The following PLEKHM2 variants were observed in gnomAD, a reference collection of about 807,000 sequenced individuals.
The protein encoded by PLEKHM2 is pleckstrin homology domain-containing family M member 2.
PLEKHM2 carries 77 observed loss-of-function variants against 116.3 expected under a neutral mutation model. The observed-to-expected ratio is 0.66, with a 90% confidence interval of 0.55 to 0.80. The LOEUF is 0.80. Among genes scored for constraint, PLEKHM2 ranks in the 30% least tolerant of loss-of-function variants. The pLI is 0.00. For synonymous variants in PLEKHM2, 562 were observed against 571.0 expected, an observed-to-expected ratio of 0.98 and a Z score of 0.22; for missense variants, 1,183 against 1,354.9, an observed-to-expected ratio of 0.87 and a Z score of 1.99.
chr1:15,730,565 G>A lies in PLEKHM2; in HGVS notation c.2242G>A (p.Val748Met), dbSNP rs1172982414. 3.1e-6 allele frequency: 5 copies of A among 1,601,678 alleles called. No individual in the cohort carries two copies. The highest frequency in any genetic ancestry group is 4.3e-6 in the Non-Finnish European group (5 of 1,175,034). The change falls in exon 15 of 20, where the codon GTG becomes ATG. Residue 748 changes from valine to methionine, a missense_variant. Around this residue, in one of 3 missense-constraint regions of PLEKHM2, gnomAD observed 594 missense variants for 720.1 expected, o/e 0.82. Transcript: ENST00000375799. ...SAVTVRFYGL[V>M]HWEDPTDESL... is the part of the protein sequence containing the mutation. ...TGTCACCGTGCGCTTCTACGGCCTTGTGCACTGGGAGGACCCCACAGACGA... is the reference window on the plus strand; with the variant it reads ...TGTCACCGTGCGCTTCTACGGCCTTATGCACTGGGAGGACCCCACAGACGA...
At chr1:15,685,541 G>GAAAAAAAAAAAAAAAAAAAAAA (rs200301672) in intron 1 of PLEKHM2, among the ~76,000 whole-genome samples, 87 of 73,328 alleles carry the variant, frequency 1.2e-3, no homozygotes, top group Non-Finnish European at 1.6e-3. Context: ...CTCAGAAACT[G>GAAAAAAAAAAAAAAAAAAAAAA]AAAAAAAAAA....
intron 7 of PLEKHM2, among the ~76,000 whole-genome samples, chr1:15,725,094 G>A (rs1240606927): frequency 1.3e-5 from 2 of 152,064 alleles, no homozygotes; most frequent in African/African-American, 2.4e-5. Context: ...AGCTCCGGAG[G>A]CCCCAGGGGT....
At chr1:15,713,634 G>GTT (rs201956382) in intron 1 of PLEKHM2, among the ~76,000 whole-genome samples, 3 of 151,176 alleles carry the variant, frequency 2.0e-5, no homozygotes, top group Non-Finnish European at 4.4e-5. Flanking sequence ...TTGTTTGTTT[G>GTT]TTTTTTGTTT....
rs2068095836 is a variant in PLEKHM2 at position 15,728,410 on chromosome 1, C to A, written c.1921+53C>A. The stretch of plus-strand genomic sequence containing the variant: ...GGTTGTAGACGAGGCTGACTCTCAG[C>A]CCCTTTTCCCCAGTCCCCTTGCCCT... On this transcript the variant is annotated intron_variant, in intron 11 of 19. Transcript: ENST00000375799. This position sits in a 1 kb window ranked among gnomAD's most constrained non-coding sequence, Gnocchi z 5.9. 3 of 1,497,156 alleles carry A rather than the reference C, an allele frequency of 2.0e-6. No individual in the cohort carries two copies. The highest frequency in any genetic ancestry group is 2.8e-6 in the Non-Finnish European group (3 of 1,087,142). 92.7% of individuals were successfully genotyped at this position (1,497,156 alleles called of 1,614,324 possible).
At position 15,732,454 on chromosome 1, in the gene PLEKHM2, C is replaced by T; in HGVS notation, c.2730C>T (p.Phe910=). ...TCHEDCQTSF[F]RSLGTAKLGD... ...ATGAGGATTGCCAGACCAGCTTCTTCCGCTCTTTGGGCACAGCCAAGCTGG... is the reference window on the plus strand; with the variant it reads ...ATGAGGATTGCCAGACCAGCTTCTTTCGCTCTTTGGGCACAGCCAAGCTGG... The change falls in exon 18 of 20, where the codon TTC becomes TTT. Residue 910 remains phenylalanine (F), a synonymous_variant. Coordinates refer to ENST00000375799, the MANE Select transcript of PLEKHM2 (RefSeq NM_015164.4). The T allele has an allele frequency of 6.3e-7, 1 of 1,599,442 alleles. No homozygotes were observed. The highest frequency in any genetic ancestry group is 8.5e-7 in the Non-Finnish European group (1 of 1,173,468).
rs1640714952 is a variant in PLEKHM2 at position 15,684,418 on chromosome 1, C to G, written c.-141C>G. ...CGAGGCGAGGGCCGGGCGGCGGGCG[C>G]CGGGCCCCGCGGCCGGCACGACGGA... On this transcript the variant is annotated 5_prime_UTR_variant, in exon 1 of 20. Coordinates refer to ENST00000375799, the MANE Select transcript of PLEKHM2 (RefSeq NM_015164.4). 4 of 302,170 alleles carry G rather than the reference C, an allele frequency of 1.3e-5. No homozygotes were observed. The South Asian group carries it at 4.9e-4, about 37-fold the overall frequency. 18.7% of individuals were successfully genotyped at this position (302,170 alleles called of 1,614,324 possible).
At position 15,721,577 on chromosome 1, in the gene PLEKHM2, C is replaced by G. The variant is rs1282357710; in HGVS notation, c.712+189C>G. Among the ~76,000 whole-genome samples the G allele has an allele frequency of 6.6e-6, 1 of 152,164 alleles. No individual in the cohort carries two copies. ...TCAACCTCTAGCCATAGGCAAATCC[C>G]TTCTCCCAGTGCAGGGCTCCTGCCT... On this transcript the variant is annotated intron_variant, in intron 7 of 19. Transcript: ENST00000375799. This position sits in a 1 kb window ranked among gnomAD's most constrained non-coding sequence, Gnocchi z 5.1.
In PLEKHM2 at chr1:15,729,767, C is replaced by T. The variant is rs1440259202; in HGVS notation, c.2076-30C>T. ...TCCAGTTGAGGCCCTGTTCCCAGGC[C>T]TCTAACCACAAACCTCACTCCCTAT... On this transcript the variant is annotated intron_variant, in intron 13 of 19. Coordinates refer to ENST00000375799, the MANE Select transcript of PLEKHM2 (RefSeq NM_015164.4). The surrounding 1 kb of genome is among the most constrained non-coding windows in gnomAD (Gnocchi z 4.7). The T allele has an allele frequency of 6.3e-7, 1 of 1,594,480 alleles. No homozygotes were observed. Among genetic ancestry groups the T allele is most frequent in the East Asian group, 2.2e-5 (1 of 44,714 alleles).
At position 15,727,375 on chromosome 1, in the gene PLEKHM2, C is replaced by G. The variant is rs748386047; in HGVS notation, c.1303C>G (p.Gln435Glu). 1 of 1,602,434 alleles carries G rather than the reference C, an allele frequency of 6.2e-7. No homozygotes were observed. The highest frequency in any genetic ancestry group is 1.1e-5 in the South Asian group (1 of 89,402). ...TWCSRAEPPD[Q>E]SFRTGSPGDA... ...GTGCTCCCGTGCTGAGCCCCCAGAC[C>G]AGTCCTTTCGGACCGGCTCTCCCGG... Residue 435 changes from glutamine (Q) to glutamate (E), a missense_variant, in exon 9 of 20, where the codon CAG becomes GAG. By Grantham distance (29) the Gln-to-Glu change is conservative. Around this residue, in one of 3 missense-constraint regions of PLEKHM2, gnomAD observed 372 missense variants for 357.2 expected, o/e 1.04. Coordinates refer to ENST00000375799, the MANE Select transcript of PLEKHM2 (RefSeq NM_015164.4). This position sits in a 1 kb window ranked among gnomAD's most constrained non-coding sequence, Gnocchi z 7.5.
intron 1 of PLEKHM2, among the ~76,000 whole-genome samples, chr1:15,696,113 C>T (rs912265607): frequency 1.3e-5 from 2 of 152,032 alleles, no homozygotes; most frequent in Admixed American, 1.3e-4. Context: ...CACACCCACC[C>T]GATGCCTGTT....
At position 15,728,789 on chromosome 1, in the gene PLEKHM2, A is replaced by G. The variant is rs2068100074; in HGVS notation, c.1986+56A>G. 6.8e-7 allele frequency: 1 copy of G among 1,477,344 alleles called. No homozygotes were observed. The highest frequency in any genetic ancestry group is 9.3e-7 in the Non-Finnish European group (1 of 1,073,198). The allele number at this position is 1,477,344 out of a possible 1,614,324, so 91.5% of individuals were successfully genotyped here. A position where few individuals can be genotyped will look rare whatever the true frequency, so the allele number is the denominator to read the frequency against. On this transcript the variant is annotated intron_variant, in intron 12 of 19. Coordinates refer to ENST00000375799, the MANE Select transcript of PLEKHM2 (RefSeq NM_015164.4). The surrounding 1 kb of genome is among the most constrained non-coding windows in gnomAD (Gnocchi z 5.9). Reference sequence around the variant, plus strand: ...CTGTAGGTACAGGGCTTCTCAAGCCACTTACCCATAGAACTGCAGGGCGAG... The same window carrying G: ...CTGTAGGTACAGGGCTTCTCAAGCCGCTTACCCATAGAACTGCAGGGCGAG...
chr1:15,695,794 G>A (rs868684643), intron 1 of PLEKHM2, among the ~76,000 whole-genome samples: 5 of 151,536 alleles, frequency 3.3e-5, no homozygotes, highest in Non-Finnish European at 7.4e-5. Context: ...GTGAGTCACC[G>A]CACCTGGCCT....
At position 15,687,863 on chromosome 1, in the gene PLEKHM2, A is replaced by G. The variant is rs182387220; in HGVS notation, c.60+3245A>G. On this transcript the variant is annotated intron_variant, in intron 1 of 19. Coordinates refer to ENST00000375799, the MANE Select transcript of PLEKHM2 (RefSeq NM_015164.4). ...GCCTTTTTTCTTGCATCCTACCACCAGTAAATGGTCTTACTGGTCATTTTA... is the reference window on the plus strand; with the variant it reads ...GCCTTTTTTCTTGCATCCTACCACCGGTAAATGGTCTTACTGGTCATTTTA... Among the ~76,000 whole-genome samples, 1,216 of 152,314 alleles carry G rather than the reference A, an allele frequency of 8.0e-3. 15 individuals carry two copies. The highest frequency in any genetic ancestry group is 0.027 in the African/African-American group (1,106 of 41,572).
rs369864820 is a variant in PLEKHM2 at position 15,728,321 on chromosome 1, C to G, written c.1885C>G (p.Leu629Val). The change falls in exon 11 of 20, where the codon CTG (leucine) becomes GTG (valine). Residue 629 changes from leucine to valine, a missense_variant. Around this residue, in one of 3 missense-constraint regions of PLEKHM2, gnomAD observed 594 missense variants for 720.1 expected, o/e 0.82. Transcript: ENST00000375799. The surrounding 1 kb of genome is among the most constrained non-coding windows in gnomAD (Gnocchi z 5.9). Reference protein sequence around the residue: ...MEGNLQLLYVLLTDCYVYLLR... With the variant: ...MEGNLQLLYVVLTDCYVYLLR... ...GGGCAACCTGCAGCTGCTGTACGTG[C>G]TGCTCACAGACTGCTATGTCTACCT... 9 of 1,613,136 alleles carry G rather than the reference C, an allele frequency of 5.6e-6. No homozygotes were observed. Among genetic ancestry groups the G allele is most frequent in the Non-Finnish European group, 7.6e-6 (9 of 1,179,852 alleles).
At position 15,728,113 on chromosome 1, in the gene PLEKHM2, C is replaced by G; in HGVS notation, c.1795C>G (p.His599Asp). Residue 599 changes from histidine to aspartate, a missense_variant, in exon 10 of 20, where the codon CAC becomes GAC. Physicochemically the swap from His to Asp is moderately conservative, Grantham distance 81. Transcript: ENST00000375799. This position sits in a 1 kb window ranked among gnomAD's most constrained non-coding sequence, Gnocchi z 5.9. ...DNNHLLLLMI[H>D]VFRENEEQLF... ...CAATCACCTGCTCCTGCTCATGATC[C>G]ACGTGTTCCGAGAAAACGAAGAGCA... 6.2e-7 allele frequency: 1 copy of G among 1,611,458 alleles called. No homozygotes were observed. The highest frequency in any genetic ancestry group is 8.5e-7 in the Non-Finnish European group (1 of 1,178,816).
At chr1:15,687,865 T>C (rs770278752) in intron 1 of PLEKHM2, among the ~76,000 whole-genome samples, 1 of 152,196 alleles carries the variant, frequency 6.6e-6, no homozygotes, top group Non-Finnish European at 1.5e-5. Context: ...CTACCACCAG[T>C]AAATGGTCTT....
At chr1:15,695,503 G>A (rs904409751) in intron 1 of PLEKHM2, among the ~76,000 whole-genome samples, 18 of 152,054 alleles carry the variant, frequency 1.2e-4, no homozygotes, top group African/African-American at 3.9e-4. Context: ...CATGATGTCG[G>A]GGCACTTTGG....
At chr1:15,702,043 C>T (rs1329405633) in intron 1 of PLEKHM2, among the ~76,000 whole-genome samples, 4 of 152,144 alleles carry the variant, frequency 2.6e-5, no homozygotes, top group South Asian at 2.1e-4. Flanking sequence ...ACGGACGGGT[C>T]GCCCAAAGGT....
At chr1:15,705,369 G>A (rs1175061210) in intron 1 of PLEKHM2, among the ~76,000 whole-genome samples, 1 of 151,576 alleles carries the variant, frequency 6.6e-6, no homozygotes, top group South Asian at 2.1e-4. Flanking sequence ...TTTTGCTGAG[G>A]TAGGGTTTTG....
Sources: allele counts gnomAD v4.1 joint callset (sites outside exome capture counted in the v4.1 genomes callset), GRCh38; gene constraint gnomAD v4.1.1; regional missense constraint gnomAD v4.1.1; non-coding constraint Gnocchi (gnomAD v3.1); transcripts MANE v1.5; gene names NCBI Gene and HGNC (gene_info 2026-07-23, HGNC 2026-07-21).